CCDC30: variants seen among roughly 807,000 people sequenced by gnomAD.
CCDC30 encodes coiled-coil domain-containing protein 30.
In CCDC30, 70 loss-of-function variants were observed where a neutral mutation model predicts 100.2. The observed-to-expected ratio is 0.70, with a 90% CI of 0.58 to 0.85. The LOEUF (loss-of-function observed/expected upper bound fraction) is 0.85. Among genes scored for constraint, CCDC30 ranks in the 40% least tolerant of loss-of-function variants. The pLI is 0.00. For synonymous variants in CCDC30, 233 were observed against 269.5 expected (o/e 0.86, Z 1.33); for missense variants, 652 against 771.2 (o/e 0.85, Z 1.83).
intron 6 of CCDC30, 103 bp from the exon 8 acceptor site, chr1:42,539,070 A>C: frequency 1.1e-6 from 1 of 951,904 alleles, no homozygotes; most frequent in Non-Finnish European, 1.4e-6. Context: ...AAAACAAAAA[A>C]TTTGTCAGGA....
chr1:42,477,539 ATGAT>A (rs1339435367), intron 1 of CCDC30, among the ~76,000 whole-genome samples: 6 of 152,134 alleles, frequency 3.9e-5, no homozygotes, highest in African/African-American at 1.4e-4. Context: ...TTAGCTCATG[ATGAT>A]TGATAAATAG....
intron 6 of CCDC30, among the ~76,000 whole-genome samples, chr1:42,519,618 C>T (rs1369867385): frequency 1.3e-5 from 2 of 152,170 alleles, no homozygotes; most frequent in Non-Finnish European, 2.9e-5. Context: ...ATGATGCCGT[C>T]TCGGCTCACT....
intron 6 of CCDC30, among the ~76,000 whole-genome samples, chr1:42,505,686 G>A (rs1644383923): frequency 6.6e-6 from 1 of 152,214 alleles, no homozygotes; most frequent in African/African-American, 2.4e-5. Context: ...TTAAAGCCAA[G>A]TCCAGCCATG....
chr1:42,582,348 C>CA (rs1645985379), intron 9 of CCDC30, among the ~76,000 whole-genome samples: 1 of 152,162 alleles, frequency 6.6e-6, no homozygotes, highest in African/African-American at 2.4e-5. Flanking sequence ...GGAGTTTAAC[C>CA]ATATCATTGC....
chr1:42,576,453 C>T (rs965206712), intron 7 of CCDC30, among the ~76,000 whole-genome samples: 8 of 152,154 alleles, frequency 5.3e-5, no homozygotes, highest in Non-Finnish European at 1.0e-4. Context: ...TTTGGAGATA[C>T]AGGCAGAATC....
chr1:42,643,350 C>T (rs920382695), intron 13 of CCDC30, among the ~76,000 whole-genome samples: 1 of 152,188 alleles, frequency 6.6e-6, no homozygotes, highest in Non-Finnish European at 1.5e-5. Flanking sequence ...TGGCCCTAGA[C>T]CATAGCACCA....
At chr1:42,460,028 A>G (rs1643368224), upstream of CCDC30, 5 of 1,448,734 alleles carry the variant, frequency 3.5e-6, no homozygotes, top group East Asian at 1.2e-4. Context: ...AAAATGAAAG[A>G]AAGGGAAAAG....
chr1:42,557,212 A>C (rs1257659102), intron 6 of CCDC30, among the ~76,000 whole-genome samples: 2 of 152,228 alleles, frequency 1.3e-5, no homozygotes, highest in Non-Finnish European at 2.9e-5. Flanking sequence ...GCAATAAAGG[A>C]AGTTAAAAAA....
intron 6 of CCDC30, among the ~76,000 whole-genome samples, chr1:42,520,319 G>A (rs932920888): frequency 6.6e-6 from 1 of 150,936 alleles, no homozygotes. Context: ...TGATCTTTAA[G>A]TATTTTCTTT....
At chr1:42,463,345 A>C (rs1264993667) in exon 1 of CCDC30, 2 of 152,178 alleles carry the variant, frequency 1.3e-5, no homozygotes, top group African/African-American at 4.8e-5. Flanking sequence ...GTAGGGGCCG[A>C]GCGACCCCGG....
At chr1:42,639,278 G>C (rs984993868) in intron 12 of CCDC30, among the ~76,000 whole-genome samples, 26 of 152,162 alleles carry the variant, frequency 1.7e-4, no homozygotes, top group African/African-American at 6.3e-4. Context: ...GCCTCATGAT[G>C]ATGAATTCAG....
intron 4 of CCDC30, among the ~76,000 whole-genome samples, chr1:42,496,197 T>C (rs766915222): frequency 1.3e-5 from 2 of 151,784 alleles, no homozygotes; most frequent in Non-Finnish European, 2.9e-5. Context: ...TATACTAGTA[T>C]GGCAGTAATG....
At chr1:42,594,689 G>C (rs975679483) in intron 10 of CCDC30, 10 of 152,086 alleles carry the variant, frequency 6.6e-5, no homozygotes, top group African/African-American at 2.4e-4. Context: ...AACATAGCCA[G>C]ACCTCATTTC....
chr1:42,581,320 T>C, intron 8 of CCDC30, 40 bp from the exon 13 acceptor site: 2 of 1,533,758 alleles, frequency 1.3e-6, no homozygotes, highest in Non-Finnish European at 1.8e-6. Context: ...AAGGTCACAC[T>C]CTTCTTAATG....
At chr1:42,494,197 A>G (rs923111958) in intron 4 of CCDC30, among the ~76,000 whole-genome samples, 1 of 152,210 alleles carries the variant, frequency 6.6e-6, no homozygotes, top group African/African-American at 2.4e-5. Context: ...CAGAAATAAC[A>G]CCGCATATCT....
intron 11 of CCDC30, among the ~76,000 whole-genome samples, chr1:42,618,112 G>C (rs551838639): frequency 7.2e-5 from 11 of 151,938 alleles, no homozygotes; most frequent in Non-Finnish European, 1.3e-4. Context: ...TATTATAAAC[G>C]ATGTTAAAAC....
intron 11 of CCDC30, among the ~76,000 whole-genome samples, chr1:42,611,510 GAT>G (rs1485563213): frequency 6.6e-6 from 1 of 151,290 alleles, no homozygotes; most frequent in Non-Finnish European, 1.5e-5. Flanking sequence ...TATATATAAT[GAT>G]ATACCTATTA....
At position 42,509,799 on chromosome 1, in the gene CCDC30, G is replaced by A. The variant is rs180729995; in HGVS notation, c.456+10883G>A. 2.4e-4 allele frequency among the ~76,000 whole-genome samples: 36 copies of A among 152,070 alleles called. 1 individual carries two copies. The East Asian group carries it at 6.0e-3, about 25-fold the overall frequency. On this transcript the variant is annotated intron_variant, in intron 6 of 16. Transcript: ENST00000668663. Reference sequence around the variant, plus strand: ...CTCTTTCATTAATTAAAACTTAACAGAGAATATAAACAGTGATTCTTATTA... The same window carrying A: ...CTCTTTCATTAATTAAAACTTAACAAAGAATATAAACAGTGATTCTTATTA...
exon 17 of CCDC30, chr1:42,653,845 A>G: frequency 1.2e-6 from 2 of 1,614,108 alleles, no homozygotes; most frequent in Non-Finnish European, 1.7e-6. Context: ...TGGTAGAGTC[A>G]TTTGCAAGTC....
Sources: gnomAD v4.1 joint callset for allele counts (sites outside exome capture counted in the v4.1 genomes callset) on GRCh38, gnomAD v4.1.1 for gene constraint, MANE v1.5 for transcripts, NCBI Gene and HGNC (gene_info 2026-07-23, HGNC 2026-07-21) for gene names.